PHKA2: variants seen among roughly 807,000 people sequenced by gnomAD.
The protein encoded by PHKA2 is phosphorylase b kinase regulatory subunit alpha, liver isoform.
A neutral mutation model predicts 102.0 loss-of-function variants in PHKA2; 31 were observed. That is an observed-to-expected ratio of 0.30 (90% CI 0.23 to 0.41). The LOEUF is 0.41. PHKA2 is among the 10% of genes least tolerant of loss of function. The pLI is 1.00. For synonymous variants in PHKA2, 455 were observed against 416.2 expected (o/e 1.09, Z -1.13); for missense variants, 858 against 1,023.1 (o/e 0.84, Z 2.20).
chrX:18,895,324 T>C, intron 30 of PHKA2, 133 bp from the exon 31 acceptor site: 3 of 579,225 alleles, frequency 5.2e-6, no homozygotes, highest in East Asian at 3.3e-5. Flanking sequence ...CACGCCAGAC[T>C]GTCAGAGTTA....
intron 11 of PHKA2, among the ~76,000 whole-genome samples, chrX:18,932,241 C>T (rs1364323148): frequency 8.9e-6 from 1 of 112,303 alleles, no homozygotes; most frequent in African/African-American, 3.2e-5. Flanking sequence ...TGTAACCCCT[C>T]CTTCAGGGCC....
At chrX:18,941,393 G>A in intron 8 of PHKA2, 136 bp downstream of exon 8, 1 of 609,542 alleles carries the variant, frequency 1.6e-6, no homozygotes, top group African/African-American at 2.2e-5. Flanking sequence ...TTTCTTGCCT[G>A]TAGACTCAGC....
rs377351016 is a variant in PHKA2, at chrX:18,951,165, G to A, written c.393C>T (p.Gly131=). The A allele has an allele frequency of 5.8e-6, 7 of 1,209,819 alleles. No individual in the cohort carries two copies. The highest frequency in any genetic ancestry group is 2.3e-4 in the Middle Eastern group (1 of 4,350). The change falls in exon 4 of 33, where the codon GGC becomes GGT. Residue 131 remains glycine (G), a synonymous_variant. Transcript: ENST00000379942. ...GAGAGGTGGCATCCACCTGGAGGTG[G>A]CCCCACTGGTCGTCGCCCACCACCG... ...CGTVVGDDQW[G]HLQVDATSLF... is the part of the protein sequence containing the mutation.
chrX:18,933,443 C>T (rs1027522957), intron 11 of PHKA2, among the ~76,000 whole-genome samples: 11 of 113,068 alleles, frequency 9.7e-5, no homozygotes, highest in African/African-American at 2.9e-4. Flanking sequence ...GTGCCTGGCA[C>T]GGAGTGGCTG....
At chrX:18,903,621 G>A (rs1401113995) in intron 26 of PHKA2, among the ~76,000 whole-genome samples, 2 of 112,387 alleles carry the variant, frequency 1.8e-5, no homozygotes, top group Non-Finnish European at 3.8e-5. Flanking sequence ...CTGGAGAAGG[G>A]CCTCGGGCTG....
chrX:18,938,283 T>A (rs747169281), intron 10 of PHKA2, among the ~76,000 whole-genome samples: 1 of 112,767 alleles, frequency 8.9e-6, no homozygotes, highest in Non-Finnish European at 1.9e-5. Flanking sequence ...CCCCCACCAA[T>A]AGCACAGCTG....
At chrX:18,924,239 A>T in intron 16 of PHKA2, 105 bp from the exon 17 acceptor site, 1 of 924,571 alleles carries the variant, frequency 1.1e-6, no homozygotes, top group Non-Finnish European at 1.6e-6. Context: ...TTTCTGGCAT[A>T]GAAGATTCCC....
intron 1 of PHKA2, among the ~76,000 whole-genome samples, chrX:18,974,032 G>A (rs775284666): frequency 1.8e-5 from 2 of 110,968 alleles, no homozygotes; most frequent in South Asian, 3.8e-4. Flanking sequence ...GGAACATGGT[G>A]CTGGTGTGCC....
chrX:18,983,612 T>C (rs910488714), intron 1 of PHKA2, among the ~76,000 whole-genome samples: 1 of 112,203 alleles, frequency 8.9e-6, no homozygotes, highest in Non-Finnish European at 1.9e-5. Flanking sequence ...AGGCGGCTCA[T>C]TCTCATCCTG....
At chrX:18,901,683 C>G (rs1272096118) in intron 26 of PHKA2, 80 bp from the exon 27 acceptor site, 2 of 660,934 alleles carry the variant, frequency 3.0e-6, no homozygotes, top group East Asian at 6.5e-5. Context: ...CTGTCTCCCC[C>G]ACTTGACAAT....
intron 13 of PHKA2, among the ~76,000 whole-genome samples, chrX:18,927,529 T>C (rs2147921931): frequency 8.9e-6 from 1 of 112,400 alleles, no homozygotes; most frequent in South Asian, 3.7e-4. Context: ...GTACAATCAT[T>C]GTACTCACAG....
chrX:18,935,425 T>C (rs2048377072), intron 11 of PHKA2, among the ~76,000 whole-genome samples: 1 of 111,685 alleles, frequency 9.0e-6, no homozygotes, highest in African/African-American at 3.3e-5. Flanking sequence ...TGTGGAAGTG[T>C]GTAAGAACAC....
chrX:18,894,243 C>G lies in PHKA2; in HGVS notation c.3498G>C (p.Gln1166His). ...TSIGGIIHVD[Q>H]IVQMASQLFL... ...ACAGCTGACTGGCCATCTGCACGAT[C>G]TGGTCCACGTGGATGATGCCCCCGA... is the stretch of plus-strand genomic sequence containing the variant. Residue 1166 changes from glutamine to histidine, a missense_variant, in exon 32 of 33, where the codon CAG becomes CAC. Gln to His is a conservative substitution (Grantham distance 24, BLOSUM62 0). Around this residue, in one of 2 missense-constraint regions of PHKA2, gnomAD observed 671 missense variants for 745.2 expected, o/e 0.90. Transcript: ENST00000379942. The G allele has an allele frequency of 1.7e-6, 2 of 1,212,068 alleles. No individual in the cohort carries two copies. The highest frequency in any genetic ancestry group is 3.5e-5 in the South Asian group (2 of 57,020).
chrX:18,912,903 C>G (rs1468842972), intron 19 of PHKA2, among the ~76,000 whole-genome samples: 1 of 109,980 alleles, frequency 9.1e-6, no homozygotes, highest in Non-Finnish European at 1.9e-5. Context: ...AAGAATGAAA[C>G]TGTCTCAAAA....
chrX:18,942,922 G>A (rs753131827), intron 7 of PHKA2, among the ~76,000 whole-genome samples: 2 of 109,836 alleles, frequency 1.8e-5, no homozygotes, highest in East Asian at 5.7e-4. Context: ...TGAGTGAGCT[G>A]GAAGATAGGG....
At chrX:18,972,841 C>T (rs897437288) in intron 1 of PHKA2, among the ~76,000 whole-genome samples, 4 of 111,845 alleles carry the variant, frequency 3.6e-5, no homozygotes, top group Admixed American at 1.9e-4. Context: ...ATATCTGTTA[C>T]ATGGGGGCAC....
chrX:18,896,414 G>A (rs956488671), intron 30 of PHKA2: 1 of 112,900 alleles, frequency 8.9e-6, no homozygotes, highest in African/African-American at 3.2e-5. Context: ...GACAACAGCT[G>A]GGGAGACGTG....
intron 17 of PHKA2, 78 bp from the exon 18 acceptor site, chrX:18,920,279 C>T: frequency 1.8e-6 from 1 of 570,845 alleles, no homozygotes; most frequent in Non-Finnish European, 3.2e-6. Context: ...GAGACTTTTG[C>T]ACAACCATGT....
At chrX:18,982,632 G>C (rs935774626) in intron 1 of PHKA2, among the ~76,000 whole-genome samples, 1 of 111,542 alleles carries the variant, frequency 9.0e-6, no homozygotes, top group African/African-American at 3.3e-5. Flanking sequence ...TCAGGAGGTC[G>C]AGACCAGCCT....
Sources: allele counts gnomAD v4.1 joint callset (sites outside exome capture counted in the v4.1 genomes callset), GRCh38; gene constraint gnomAD v4.1.1; regional missense constraint gnomAD v4.1.1; transcripts MANE v1.5; gene names NCBI Gene and HGNC (gene_info 2026-07-23, HGNC 2026-07-21).